Variants in NEDD4 observed in about 807,000 individuals in gnomAD.
NEDD4 encodes E3 ubiquitin-protein ligase NEDD4.
NEDD4 carries 99 observed loss-of-function variants against 144.9 expected under a neutral mutation model. The observed-to-expected ratio is 0.68, with a 90% CI of 0.58 to 0.81. The LOEUF is 0.81. NEDD4 is among the 30% of genes least tolerant of loss of function. The probability of loss-of-function intolerance (pLI) is 0.00; values close to 1 mark genes in which losing one functional copy is unlikely to be tolerated. For missense variants in NEDD4, 985 were observed against 1,065.9 expected (o/e 0.92, Z 1.06); for synonymous variants, 318 against 350.6 (o/e 0.91, Z 1.04).
intron 2 of NEDD4, among the ~76,000 whole-genome samples, chr15:55,961,131 T>C (rs1361166322): frequency 1.3e-5 from 2 of 152,190 alleles, no homozygotes; most frequent in Non-Finnish European, 2.9e-5. Context: ...TGCCAGGATA[T>C]GCAAGTTTGC....
At chr15:55,913,880 A>G (rs1051239883) in intron 5 of NEDD4, among the ~76,000 whole-genome samples, 8 of 152,056 alleles carry the variant, frequency 5.3e-5, no homozygotes, top group African/African-American at 1.7e-4. Flanking sequence ...TGTAAAATAA[A>G]TTTATAAGTA....
intron 5 of NEDD4, among the ~76,000 whole-genome samples, chr15:55,881,063 TTGA>T (rs1566929571): frequency 6.6e-6 from 1 of 151,994 alleles, no homozygotes. Context: ...AGAACATGAG[TTGA>T]TGATAATTTT....
rs368913229 is a variant in NEDD4, at chr15:55,921,877, TAA to T, written c.291+2767_291+2768del. On this transcript the variant is annotated intron_variant, in intron 5 of 28. Transcript: ENST00000435532. Reference sequence around the variant, plus strand: ...CATTAAGAAAGAGTCACGCAAATACTAAAGTTACTGGCAAAATGGACCAGACA... The same window carrying T: ...CATTAAGAAAGAGTCACGCAAATACTAGTTACTGGCAAAATGGACCAGACA... Among the ~76,000 whole-genome samples the T allele has an allele frequency of 8.5e-4, 129 of 152,318 alleles. 1 individual carries two copies. In the South Asian group the frequency reaches 0.025, roughly 30 times the overall value.
intron 28 of NEDD4, 25 bp downstream of exon 28, chr15:55,830,489 T>A: frequency 6.2e-7 from 1 of 1,604,078 alleles, no homozygotes; most frequent in Non-Finnish European, 8.5e-7. Context: ...GGCTTTGTTC[T>A]ATCAAGGTCC....
chr15:55,870,234 G>A (rs749092252), intron 7 of NEDD4, among the ~76,000 whole-genome samples: 1 of 152,142 alleles, frequency 6.6e-6, no homozygotes, highest in African/African-American at 2.4e-5. Context: ...TTGGGGGATA[G>A]AGAAAGGTAT....
chr15:55,874,060 G>A (rs1254281060), intron 5 of NEDD4, 52 bp from the exon 6 acceptor site: 11 of 1,076,814 alleles, frequency 1.0e-5, no homozygotes, highest in Non-Finnish European at 1.1e-5. Context: ...AATTCCTTTA[G>A]AAGAGTTTGA....
At chr15:55,949,305 G>A (rs555857983) in intron 4 of NEDD4, among the ~76,000 whole-genome samples, 1 of 152,280 alleles carries the variant, frequency 6.6e-6, no homozygotes, top group East Asian at 1.9e-4. Context: ...GAAACAACAG[G>A]AGCTGGAGAG....
chr15:55,922,421 G>C (rs539003580), intron 5 of NEDD4, among the ~76,000 whole-genome samples: 1 of 152,290 alleles, frequency 6.6e-6, no homozygotes, highest in East Asian at 1.9e-4. Flanking sequence ...GAAGTGCAAT[G>C]GTGTTATCTT....
intron 17 of NEDD4, among the ~76,000 whole-genome samples, chr15:55,847,585 G>A (rs2033800090): frequency 1.3e-5 from 2 of 151,936 alleles, no homozygotes; most frequent in Non-Finnish European, 2.9e-5. Flanking sequence ...TGACTCAAGA[G>A]TAGTACAATT....
At chr15:55,925,276 C>G (rs1244353194) in intron 4 of NEDD4, among the ~76,000 whole-genome samples, 1 of 152,090 alleles carries the variant, frequency 6.6e-6, no homozygotes, top group Non-Finnish European at 1.5e-5. Context: ...AAGAAAATTT[C>G]AAAAGATTAC....
At chr15:55,926,730 C>T (rs1429295364) in intron 4 of NEDD4, among the ~76,000 whole-genome samples, 1 of 152,160 alleles carries the variant, frequency 6.6e-6, no homozygotes, top group Non-Finnish European at 1.5e-5. Context: ...CGTGCCACTG[C>T]ACTCCAGCCT....
chr15:55,837,221 G>A (rs1462334480), intron 24 of NEDD4, among the ~76,000 whole-genome samples: 8 of 152,126 alleles, frequency 5.3e-5, no homozygotes, highest in African/African-American at 1.9e-4. Context: ...CTTGAGGTCT[G>A]GAGTTTGAGA....
At chr15:55,837,432 C>CA (rs66970830) in intron 24 of NEDD4, among the ~76,000 whole-genome samples, 1,427 of 126,228 alleles carry the variant, frequency 0.011, 28 homozygotes, top group African/African-American at 0.04. Context: ...ACTCCGCGCT[C>CA]AAAAAAAAAA....
At chr15:55,858,824 C>T (rs2034294084) in intron 11 of NEDD4, among the ~76,000 whole-genome samples, 1 of 152,198 alleles carries the variant, frequency 6.6e-6, no homozygotes, top group African/African-American at 2.4e-5. Flanking sequence ...AAGATCCAGA[C>T]AGTAAATACT....
intron 2 of NEDD4, among the ~76,000 whole-genome samples, chr15:55,953,584 G>A (rs2037284096): frequency 2.0e-5 from 3 of 151,772 alleles, no homozygotes; most frequent in South Asian, 4.2e-4. Flanking sequence ...TGGGATTATA[G>A]GCACACGCCA....
chr15:55,978,475 G>A (rs2037742227), intron 1 of NEDD4, among the ~76,000 whole-genome samples: 1 of 152,106 alleles, frequency 6.6e-6, no homozygotes, highest in Non-Finnish European at 1.5e-5. Context: ...TCACATGTTT[G>A]AAAAGGAGGG....
chr15:55,943,123 T>A (rs2037038689), intron 4 of NEDD4, among the ~76,000 whole-genome samples: 1 of 152,220 alleles, frequency 6.6e-6, no homozygotes, highest in African/African-American at 2.4e-5. Flanking sequence ...GCCTGGCTGC[T>A]TCTAACCATA....
At chr15:55,924,553 C>G in intron 5 of NEDD4, 93 bp downstream of exon 5, 1 of 1,081,908 alleles carries the variant, frequency 9.2e-7, no homozygotes, top group South Asian at 1.4e-5. Flanking sequence ...CCCAAGCCAT[C>G]ACTCAAATCC....
chr15:55,856,096 A>T (rs759629375), intron 12 of NEDD4, 35 bp downstream of exon 12: 2 of 1,563,206 alleles, frequency 1.3e-6, no homozygotes, highest in Non-Finnish European at 1.8e-6. Flanking sequence ...TGAGTTTTAT[A>T]TTTTTATTGA....
Sources: gnomAD v4.1 joint callset for allele counts (sites outside exome capture counted in the v4.1 genomes callset) on GRCh38, gnomAD v4.1.1 for gene constraint, MANE v1.5 for transcripts, NCBI Gene and HGNC (gene_info 2026-07-23, HGNC 2026-07-21) for gene names.